GATAD2B: variants seen among roughly 807,000 people sequenced by gnomAD.
GATAD2B encodes transcriptional repressor p66-beta.
GATAD2B carries 8 observed loss-of-function variants against 64.3 expected under a neutral mutation model. That is an observed-to-expected ratio of 0.12 (90% CI 0.07 to 0.22). GATAD2B has a LOEUF of 0.22. GATAD2B is among the 10% of genes least tolerant of loss of function. The probability of loss-of-function intolerance (pLI) is 1.00; values close to 1 mark genes in which losing one functional copy is unlikely to be tolerated. For missense variants in GATAD2B, 453 were observed against 752.0 expected, an observed-to-expected ratio of 0.60 and a Z score of 4.65; for synonymous variants, 281 against 271.3, an observed-to-expected ratio of 1.04 and a Z score of -0.35.
rs1674170288 is a variant in GATAD2B at position 153,808,273 on chromosome 1, G to A, written c.*1904C>T. On this transcript the variant is annotated 3_prime_UTR_variant, in exon 11 of 11. Transcript: ENST00000368655. ...ATCTCTGCTCCTTTAAGTGCTCAAT[G>A]AATTTGGGGTAAGGGAGGAAAGAAA... is the stretch of plus-strand genomic sequence containing the variant. 1 of 152,518 alleles carries A rather than the reference G, an allele frequency of 6.6e-6. No homozygotes were observed. The highest frequency in any genetic ancestry group is 2.4e-5 in the African/African-American group (1 of 41,392). The allele number at this position is 152,518 out of a possible 1,614,324, so 9.4% of individuals were successfully genotyped here.
rs4845581 is a variant in GATAD2B at position 153,901,591 on chromosome 1, G to A, written c.-2+21142C>T. Reference sequence around the variant, plus strand: ...TGTAATCCCAGCACTTTGAGAGGCCGAGGCAGGTGGATCATCTGAGGTCAG... The same window carrying A: ...TGTAATCCCAGCACTTTGAGAGGCCAAGGCAGGTGGATCATCTGAGGTCAG... On this transcript the variant is annotated intron_variant, in intron 1 of 10. Coordinates refer to ENST00000368655, the MANE Select transcript of GATAD2B (RefSeq NM_020699.4). 2.6e-3 allele frequency among the ~76,000 whole-genome samples: 400 copies of A among 152,042 alleles called. 3 individuals carry two copies. The highest frequency in any genetic ancestry group is 3.9e-3 in the Admixed American group (60 of 15,236).
In GATAD2B at chr1:153,812,100, G is replaced by A; in HGVS notation, c.1452C>T (p.Ala484=). ...CAGCTGGAGCCGTAGTGGGGGAGAGGGCTGCCTGCTGCTGTAATCGCTGTT... is the reference window on the plus strand; with the variant it reads ...CAGCTGGAGCCGTAGTGGGGGAGAGAGCTGCCTGCTGCTGTAATCGCTGTT... ...EIEQRLQQQA[A]LSPTTAPAVS... The change falls in exon 9 of 11, where the codon GCC becomes GCT. Residue 484 remains alanine, a synonymous_variant. Coordinates refer to ENST00000368655, the MANE Select transcript of GATAD2B (RefSeq NM_020699.4). 1.9e-6 allele frequency: 3 copies of A among 1,612,318 alleles called. No individual in the cohort carries two copies. The highest frequency in any genetic ancestry group is 2.5e-6 in the Non-Finnish European group (3 of 1,178,594).
At chr1:153,865,385 T>C (rs903244119) in intron 1 of GATAD2B, among the ~76,000 whole-genome samples, 1 of 151,896 alleles carries the variant, frequency 6.6e-6, no homozygotes, top group Non-Finnish European at 1.5e-5. Context: ...CGCTTGAACA[T>C]GGGAGGCGGA....
At chr1:153,825,555 C>G (rs532952618) in intron 2 of GATAD2B, among the ~76,000 whole-genome samples, 1 of 152,234 alleles carries the variant, frequency 6.6e-6, no homozygotes, top group South Asian at 2.1e-4. Context: ...TCTCAAGTAG[C>G]TAGGAACACA....
chr1:153,814,670 A>T (rs1313485213), intron 7 of GATAD2B, among the ~76,000 whole-genome samples: 1 of 152,080 alleles, frequency 6.6e-6, no homozygotes, highest in Admixed American at 6.5e-5. Context: ...GCTACTTTGG[A>T]AGCTGAGACA....
chr1:153,875,318 C>T (rs1019193114), intron 1 of GATAD2B, among the ~76,000 whole-genome samples: 2 of 152,020 alleles, frequency 1.3e-5, no homozygotes, highest in African/African-American at 4.8e-5. Flanking sequence ...CTGTCTTGGG[C>T]CACACATAAA....
chr1:153,907,493 G>A (rs567566536), intron 1 of GATAD2B, among the ~76,000 whole-genome samples: 5 of 152,156 alleles, frequency 3.3e-5, no homozygotes, highest in East Asian at 3.8e-4. Context: ...CAGGAACTGC[G>A]GAGAGGGGAG....
intron 1 of GATAD2B, among the ~76,000 whole-genome samples, chr1:153,855,475 C>G (rs1676051217): frequency 6.6e-6 from 1 of 152,150 alleles, no homozygotes; most frequent in Admixed American, 6.6e-5. Context: ...GTGATCCACC[C>G]ACCTTCCCCC....
intron 1 of GATAD2B, among the ~76,000 whole-genome samples, chr1:153,877,539 A>T (rs1416504238): frequency 1.3e-5 from 2 of 152,062 alleles, no homozygotes; most frequent in African/African-American, 4.8e-5. Flanking sequence ...AATCACTAAG[A>T]TTATCCTCAC....
rs935592969 is a variant in GATAD2B at position 153,820,372 on chromosome 1, A to G, written c.336-637T>C. Reference sequence around the variant, plus strand: ...TCTTACTCCTAATCCTATTTACTAGATAACTCTCATTTAGGTCATTCTGGG... The same window carrying G: ...TCTTACTCCTAATCCTATTTACTAGGTAACTCTCATTTAGGTCATTCTGGG... On this transcript the variant is annotated intron_variant, in intron 2 of 10. Transcript: ENST00000368655. 3.3e-5 allele frequency among the ~76,000 whole-genome samples: 5 copies of G among 152,308 alleles called. No individual in the cohort carries two copies. In the East Asian group the frequency reaches 5.8e-4, roughly 18 times the overall value.
rs73015708 is a variant in GATAD2B at position 153,856,172 on chromosome 1, C to A, written c.-1-27824G>T. On this transcript the variant is annotated intron_variant, in intron 1 of 10. Coordinates refer to ENST00000368655, the MANE Select transcript of GATAD2B (RefSeq NM_020699.4). ...GACCCTTATGATTATATTGGCCCACCTGGATAATCTAGAATAATTTCCACA... is the reference window on the plus strand; with the variant it reads ...GACCCTTATGATTATATTGGCCCACATGGATAATCTAGAATAATTTCCACA... 5.8e-3 allele frequency among the ~76,000 whole-genome samples: 885 copies of A among 152,304 alleles called. 15 individuals are homozygous for A. The highest frequency in any genetic ancestry group is 0.02 in the African/African-American group (815 of 41,550).
At chr1:153,901,931 C>G (rs1029783283) in intron 1 of GATAD2B, among the ~76,000 whole-genome samples, 3 of 133,650 alleles carry the variant, frequency 2.2e-5, no homozygotes, top group African/African-American at 8.6e-5. Flanking sequence ...GGCCTTGGGG[C>G]AACAGGGATA....
At chr1:153,907,161 C>A (rs573989687) in intron 1 of GATAD2B, among the ~76,000 whole-genome samples, 1 of 152,160 alleles carries the variant, frequency 6.6e-6, no homozygotes, top group Non-Finnish European at 1.5e-5. Context: ...ATATCCTATA[C>A]GCAAAACAAT....
At chr1:153,811,923 CAGA>C in intron 9 of GATAD2B, 75 bp from the exon 10 acceptor site, 3 of 1,238,046 alleles carry the variant, frequency 2.4e-6, no homozygotes, top group South Asian at 1.2e-5. Context: ...TAAGGGAGTA[CAGA>C]AGAAGACTAT....
intron 1 of GATAD2B, among the ~76,000 whole-genome samples, chr1:153,841,335 G>T (rs1296480499): frequency 2.0e-5 from 3 of 151,898 alleles, no homozygotes; most frequent in African/African-American, 4.8e-5. Context: ...ACACAATTTT[G>T]TCACATTTGT....
At chr1:153,903,002 G>C (rs962681402) in intron 1 of GATAD2B, among the ~76,000 whole-genome samples, 1 of 152,134 alleles carries the variant, frequency 6.6e-6, no homozygotes, top group African/African-American at 2.4e-5. Context: ...GGGATCACAA[G>C]GTCAGGAGAT....
rs1557774559 is a variant in GATAD2B, at chr1:153,805,562, T to A, written c.*4615A>T. ...AGGGTAACCATAGAGGACTGGCAGT[T>A]CTCCAAGAGCATTGTCATACACATA... On this transcript the variant is annotated 3_prime_UTR_variant, in exon 11 of 11. Coordinates refer to ENST00000368655, the MANE Select transcript of GATAD2B (RefSeq NM_020699.4). The A allele has an allele frequency of 6.6e-6, 1 of 152,154 alleles. No individual in the cohort carries two copies. The highest frequency in any genetic ancestry group is 1.5e-5 in the Non-Finnish European group (1 of 68,038). The allele number at this position is 152,154 out of a possible 1,614,324, so 9.4% of individuals were successfully genotyped here. A position where few individuals can be genotyped will look rare whatever the true frequency, so the allele number is the denominator to read the frequency against.
chr1:153,911,212 T>C (rs903418829), intron 1 of GATAD2B, among the ~76,000 whole-genome samples: 7 of 152,160 alleles, frequency 4.6e-5, no homozygotes, highest in African/African-American at 1.4e-4. Flanking sequence ...TACTATTTGC[T>C]CATATCCAGC....
At chr1:153,887,455 C>T (rs1391848458) in intron 1 of GATAD2B, among the ~76,000 whole-genome samples, 1 of 152,140 alleles carries the variant, frequency 6.6e-6, no homozygotes, top group Non-Finnish European at 1.5e-5. Flanking sequence ...ATGTATTTAT[C>T]AAAATTTTGG....
Sources: gnomAD v4.1 joint callset for allele counts (sites outside exome capture counted in the v4.1 genomes callset) on GRCh38, gnomAD v4.1.1 for gene constraint, MANE v1.5 for transcripts, NCBI Gene and HGNC (gene_info 2026-07-23, HGNC 2026-07-21) for gene names.